Variants in PTPRD observed in about 807,000 individuals in gnomAD.
The protein encoded by PTPRD is protein tyrosine phosphatase receptor type D.
In PTPRD, 34 loss-of-function variants were observed where a neutral mutation model predicts 214.5. The ratio of observed to expected loss-of-function variants is 0.16; its 90% CI spans 0.12 to 0.21. The LOEUF (loss-of-function observed/expected upper bound fraction) is 0.21, where lower values mean the gene tolerates loss of function less well. Among genes scored for constraint, PTPRD ranks in the 10% least tolerant of loss-of-function variants. PTPRD has a pLI of 1.00. For missense variants in PTPRD, 2,545 were observed against 2,398.7 expected, an observed-to-expected ratio of 1.06 and a Z score of -1.27; for synonymous variants, 1,128 against 845.7, an observed-to-expected ratio of 1.33 and a Z score of -5.79.
chr9:9,651,145 G>C (rs1279098486), intron 7 of PTPRD, among the ~76,000 whole-genome samples: 1 of 152,024 alleles, frequency 6.6e-6, no homozygotes, highest in African/African-American at 2.4e-5. Context: ...CAAATCATTG[G>C]TTCTTGTGTA....
intron 2 of PTPRD, among the ~76,000 whole-genome samples, chr9:10,574,939 G>C (rs919955815): frequency 6.6e-6 from 1 of 151,494 alleles, no homozygotes; most frequent in Admixed American, 6.6e-5. Flanking sequence ...AAAAGTATTT[G>C]AGAATAAATC....
intron 10 of PTPRD, among the ~76,000 whole-genome samples, chr9:9,037,176 A>G (rs1304725028): frequency 6.6e-6 from 1 of 152,154 alleles, no homozygotes; most frequent in African/African-American, 2.4e-5. Context: ...ATCTCAGGCT[A>G]AAACAAATCC....
chr9:9,876,490 A>G lies in PTPRD; in HGVS notation c.-368+62017T>C, dbSNP rs115132364. 4.9e-3 allele frequency among the ~76,000 whole-genome samples: 752 copies of G among 152,280 alleles called. 8 individuals are homozygous for G. Among genetic ancestry groups the G allele is most frequent in the African/African-American group, 0.017 (721 of 41,568 alleles). On this transcript the variant is annotated intron_variant, in intron 5 of 45. Transcript: ENST00000381196. Reference sequence around the variant, plus strand: ...TATTTTAATTATATCACCTCGAAAAAAAAACTGTTTTAACAACTAACAAAG... The same window carrying G: ...TATTTTAATTATATCACCTCGAAAAGAAAACTGTTTTAACAACTAACAAAG...
At chr9:10,292,957 G>A (rs2095571812) in intron 3 of PTPRD, among the ~76,000 whole-genome samples, 1 of 151,780 alleles carries the variant, frequency 6.6e-6, no homozygotes, top group Non-Finnish European at 1.5e-5. Context: ...ACCCACTTTT[G>A]TATTCCAGAT....
chr9:9,897,163 G>A (rs894776453), intron 5 of PTPRD, among the ~76,000 whole-genome samples: 1 of 124,818 alleles, frequency 8.0e-6, no homozygotes, highest in African/African-American at 3.3e-5. Context: ...CACACACACC[G>A]CTGCTAAACA....
chr9:8,437,167 A>C, intron 34 of PTPRD: 1 of 1,476,646 alleles, frequency 6.8e-7, no homozygotes, highest in Non-Finnish European at 9.1e-7. Flanking sequence ...GTAAACATAA[A>C]ATGACTTATG....
chr9:10,257,387 T>C (rs1016876339), intron 3 of PTPRD, among the ~76,000 whole-genome samples: 3 of 152,144 alleles, frequency 2.0e-5, no homozygotes, highest in Non-Finnish European at 2.9e-5. Flanking sequence ...CCAGGGGCTA[T>C]GGCAAACCAG....
chr9:9,686,876 A>T (rs1320919969), intron 7 of PTPRD, among the ~76,000 whole-genome samples: 1 of 151,732 alleles, frequency 6.6e-6, no homozygotes, highest in Non-Finnish European at 1.5e-5. Flanking sequence ...AATGATTCTT[A>T]GTCAACAGAC....
chr9:9,031,393 C>T (rs1569473528), intron 10 of PTPRD, among the ~76,000 whole-genome samples: 2 of 151,848 alleles, frequency 1.3e-5, no homozygotes, highest in Non-Finnish European at 2.9e-5. Context: ...TAGCATAGCC[C>T]ACTACACAAC....
At chr9:9,573,444 G>C (rs1040952377) in intron 8 of PTPRD, among the ~76,000 whole-genome samples, 1 of 150,804 alleles carries the variant, frequency 6.6e-6, no homozygotes, top group Non-Finnish European at 1.5e-5. Flanking sequence ...GTCAGTATTG[G>C]TTATATGGGT....
intron 39 of PTPRD, among the ~76,000 whole-genome samples, chr9:8,372,319 A>C (rs2081799227): frequency 6.6e-6 from 1 of 152,052 alleles, no homozygotes; most frequent in African/African-American, 2.4e-5. Context: ...TTTAAAAGGT[A>C]CTCAGTAATG....
chr9:8,592,452 G>C (rs2094177847), intron 14 of PTPRD, among the ~76,000 whole-genome samples: 2 of 152,158 alleles, frequency 1.3e-5, no homozygotes. Flanking sequence ...TGACATACAA[G>C]GACTTGAATA....
intron 7 of PTPRD, among the ~76,000 whole-genome samples, chr9:9,662,695 T>C (rs774317932): frequency 1.6e-4 from 25 of 151,642 alleles, no homozygotes; most frequent in Non-Finnish European, 3.0e-4. Flanking sequence ...GTAATATTTC[T>C]AAAAATAACT....
intron 21 of PTPRD, among the ~76,000 whole-genome samples, chr9:8,511,469 A>C (rs1429820554): frequency 2.0e-5 from 3 of 151,662 alleles, no homozygotes; most frequent in Non-Finnish European, 4.4e-5. Context: ...TCCTTTGTCT[A>C]TGTATATCTT....
intron 35 of PTPRD, 45 bp downstream of exon 35, chr9:8,436,547 G>T: frequency 7.0e-7 from 1 of 1,428,924 alleles, no homozygotes; most frequent in Non-Finnish European, 9.8e-7. Flanking sequence ...AAAAAGAGAA[G>T]AGTAACTCTT....
At chr9:10,397,544 GACA>G (rs2098194278) in intron 2 of PTPRD, among the ~76,000 whole-genome samples, 2 of 151,958 alleles carry the variant, frequency 1.3e-5, no homozygotes, top group South Asian at 4.1e-4. Context: ...GTCATGCACT[GACA>G]ACAAACAGCA....
intron 11 of PTPRD, among the ~76,000 whole-genome samples, chr9:8,813,977 A>G (rs779686066): frequency 2.0e-5 from 3 of 152,176 alleles, no homozygotes; most frequent in South Asian, 2.1e-4. Context: ...TCTGTCACAC[A>G]ACACTGAAGT....
chr9:10,087,418 C>T lies in PTPRD; in HGVS notation c.-544-53628G>A, dbSNP rs575925230. On this transcript the variant is annotated intron_variant, in intron 3 of 45. Transcript: ENST00000381196. ...TCCAATAATGCTAAGTATGTTTTTA[C>T]ACTATCTATTGAAGATGTGGGCAAC... 1.1e-3 allele frequency among the ~76,000 whole-genome samples: 163 copies of T among 151,700 alleles called. 1 individual carries two copies. In the South Asian group the frequency reaches 0.016, roughly 15 times the overall value.
chr9:9,659,465 C>G lies in PTPRD; in HGVS notation c.-287+75068G>C, dbSNP rs115170788. On this transcript the variant is annotated intron_variant, in intron 7 of 45. Transcript: ENST00000381196. ...TACTGGGGGCTTTTGGAAACCTTAA[C>G]GCCAGGGCTATACATCAAATCAATT... 3.9e-3 allele frequency among the ~76,000 whole-genome samples: 599 copies of G among 152,078 alleles called. 4 individuals are homozygous for G. The highest frequency in any genetic ancestry group is 0.014 in the African/African-American group (582 of 41,512).
Sources: allele counts gnomAD v4.1 joint callset (sites outside exome capture counted in the v4.1 genomes callset), GRCh38; gene constraint gnomAD v4.1.1; transcripts MANE v1.5; gene names NCBI Gene and HGNC (gene_info 2026-07-23, HGNC 2026-07-21).